The following ZBTB16 variants were observed in gnomAD, a reference collection of about 807,000 sequenced individuals.
The protein encoded by ZBTB16 is zinc finger and BTB domain containing 16.
A neutral mutation model predicts 56.8 loss-of-function variants in ZBTB16; 8 were observed. That is an observed-to-expected ratio of 0.14 (90% CI 0.08 to 0.25). ZBTB16 has a LOEUF of 0.25. ZBTB16 is among the 10% of genes least tolerant of loss of function. ZBTB16 has a pLI of 1.00. For missense variants in ZBTB16, 625 were observed against 903.0 expected (o/e 0.69, Z 3.95); for synonymous variants, 363 against 368.5 (o/e 0.98, Z 0.17).
At chr11:114,095,245 C>CTTTTTTTTTCT (rs1940343187) in intron 2 of ZBTB16, among the ~76,000 whole-genome samples, 2 of 90,480 alleles carry the variant, frequency 2.2e-5, no homozygotes, top group Admixed American at 1.2e-4. Flanking sequence ...CTTTTCTTTT[C>CTTTTTTTTTCT]TTTTTTTTTT....
At chr11:114,116,531 G>A (rs774020986) in intron 2 of ZBTB16, among the ~76,000 whole-genome samples, 2 of 152,102 alleles carry the variant, frequency 1.3e-5, no homozygotes, top group Admixed American at 6.5e-5. Flanking sequence ...TCATTGCATC[G>A]TCATCTTCTT....
intron 5 of ZBTB16, among the ~76,000 whole-genome samples, chr11:114,242,802 G>A (rs1944738585): frequency 1.3e-5 from 2 of 152,156 alleles, no homozygotes; most frequent in African/African-American, 4.8e-5. Flanking sequence ...GTCAGCTTCG[G>A]GCTTCTGAGG....
At chr11:114,070,094 CTTTTTTTTTTTTTTTTT>C (rs4020465) in intron 2 of ZBTB16, among the ~76,000 whole-genome samples, 1 of 75,966 alleles carries the variant, frequency 1.3e-5, no homozygotes, top group Non-Finnish European at 2.4e-5. Flanking sequence ...GAGTACCTTT[CTTTTTTTTTTTTTTTTT>C]TTTTTTTTGA....
intron 2 of ZBTB16, among the ~76,000 whole-genome samples, chr11:114,124,493 G>A (rs1434242189): frequency 4.3e-5 from 6 of 140,204 alleles, no homozygotes; most frequent in Non-Finnish European, 6.1e-5. Flanking sequence ...TAAGCTCTGG[G>A]ATTAAGGCCA....
At chr11:114,101,866 T>A (rs1246678610) in intron 2 of ZBTB16, among the ~76,000 whole-genome samples, 3 of 152,252 alleles carry the variant, frequency 2.0e-5, no homozygotes, top group African/African-American at 7.2e-5. Context: ...TTGTTGCTCA[T>A]TTTTGTATGT....
At chr11:114,094,077 A>C (rs1565621583) in intron 2 of ZBTB16, among the ~76,000 whole-genome samples, 1 of 152,184 alleles carries the variant, frequency 6.6e-6, no homozygotes. Flanking sequence ...GCACTTTGGG[A>C]GGCCGAGGCA....
chr11:114,226,412 AG>A (rs1382668580), intron 4 of ZBTB16, among the ~76,000 whole-genome samples: 3 of 152,298 alleles, frequency 2.0e-5, no homozygotes, highest in Middle Eastern at 3.4e-3. Flanking sequence ...TTGGCCTGAG[AG>A]AGTCAGCCCT....
intron 2 of ZBTB16, among the ~76,000 whole-genome samples, chr11:114,119,668 CA>C (rs1941287044): frequency 6.6e-6 from 1 of 152,136 alleles, no homozygotes; most frequent in South Asian, 2.1e-4. Flanking sequence ...TGGATTTTAA[CA>C]ACCAGAGTAG....
chr11:114,225,141 A>G (rs1944304121), intron 4 of ZBTB16, among the ~76,000 whole-genome samples: 1 of 152,126 alleles, frequency 6.6e-6, no homozygotes, highest in African/African-American at 2.4e-5. Flanking sequence ...CGGGCCTTGA[A>G]GTGTGGGCCG....
In ZBTB16 at chr11:114,254,146, A is replaced by G. The variant is rs1346155123; in HGVS notation, c.*3591A>G. Among the ~76,000 whole-genome samples the G allele has an allele frequency of 6.6e-6, 1 of 151,972 alleles. No individual in the cohort carries two copies. The highest frequency in any genetic ancestry group is 1.9e-4 in the East Asian group (1 of 5,192). On this transcript the variant is annotated 3_prime_UTR_variant, in exon 7 of 7. Transcript: ENST00000335953. ...CACTCATTCAAAGCATTAAAATCCT[A>G]TGTATATATAGGATAGACAAATATA...
At chr11:114,175,613 C>T (rs1205246405) in intron 3 of ZBTB16, among the ~76,000 whole-genome samples, 1 of 151,804 alleles carries the variant, frequency 6.6e-6, no homozygotes, top group East Asian at 1.9e-4. Flanking sequence ...GATTCTGAGA[C>T]CCAAGCAATG....
At chr11:114,214,823 G>GGTTT (rs1005388109) in intron 4 of ZBTB16, among the ~76,000 whole-genome samples, 2 of 152,042 alleles carry the variant, frequency 1.3e-5, no homozygotes, top group Non-Finnish European at 1.5e-5. Flanking sequence ...AGCCTGTGGT[G>GGTTT]GTTTGTTTGT....
chr11:114,225,879 A>T (rs976131951), intron 4 of ZBTB16, among the ~76,000 whole-genome samples: 2 of 152,206 alleles, frequency 1.3e-5, no homozygotes, highest in South Asian at 4.1e-4. Context: ...CATTGTTCAT[A>T]TATTATCTCT....
At position 114,148,352 on chromosome 11, in the gene ZBTB16, C is replaced by G. The variant is rs1463459949; in HGVS notation, c.1269-7985C>G. Among the ~76,000 whole-genome samples, 689 of 137,050 alleles carry G rather than the reference C, an allele frequency of 5.0e-3. 18 individuals carry two copies. Among genetic ancestry groups the G allele is most frequent in the Middle Eastern group, 0.022 (6 of 272 alleles). 89.9% of individuals were successfully genotyped at this position (137,050 alleles called of 152,430 possible). On this transcript the variant is annotated intron_variant, in intron 2 of 6. Coordinates refer to ENST00000335953, the MANE Select transcript of ZBTB16 (RefSeq NM_006006.6). ...GGCTGGCTGGCTTCCTTCCTTCCTT[C>G]CTTCCTTCCTTCCTTCCTTCCTTCC...
chr11:114,061,988 A>G (rs117108633), intron 1 of ZBTB16, among the ~76,000 whole-genome samples: 6,229 of 152,134 alleles, frequency 0.041, 188 homozygotes, highest in Middle Eastern at 0.089. Context: ...GTCTCTCTCC[A>G]TACCTTAATG....
chr11:114,145,542 G>T (rs1418845906), intron 2 of ZBTB16, among the ~76,000 whole-genome samples: 1 of 152,202 alleles, frequency 6.6e-6, no homozygotes, highest in East Asian at 1.9e-4. Flanking sequence ...AGACCCCAAA[G>T]GGTGCATATT....
intron 4 of ZBTB16, chr11:114,210,657 G>A (rs547376631): frequency 1.3e-4 from 26 of 207,214 alleles, no homozygotes; most frequent in African/African-American, 5.8e-4. Flanking sequence ...CCTGTTTGCC[G>A]GGGCTAGTTT....
At chr11:114,166,220 G>A (rs1942752160) in intron 3 of ZBTB16, among the ~76,000 whole-genome samples, 1 of 151,444 alleles carries the variant, frequency 6.6e-6, no homozygotes, top group Admixed American at 6.6e-5. Context: ...GTGTGTGTGT[G>A]TGTGTGTGTG....
chr11:114,179,138 G>A (rs1250332002), intron 3 of ZBTB16, among the ~76,000 whole-genome samples: 10 of 152,216 alleles, frequency 6.6e-5, no homozygotes, highest in Admixed American at 6.5e-4. Context: ...TATCAATGGG[G>A]CTGGTTGTTT....
Sources: allele counts gnomAD v4.1 joint callset (sites outside exome capture counted in the v4.1 genomes callset), GRCh38; gene constraint gnomAD v4.1.1; transcripts MANE v1.5; gene names NCBI Gene and HGNC (gene_info 2026-07-23, HGNC 2026-07-21).